The following WWOX variants were observed in gnomAD, a reference collection of about 807,000 sequenced individuals.
WWOX encodes the protein WW domain containing oxidoreductase.
A neutral mutation model predicts 46.2 loss-of-function variants in WWOX; 69 were observed. The observed-to-expected ratio is 1.49, with a 90% confidence interval of 1.23 to 1.82. WWOX has a LOEUF of 1.82. WWOX is among the 40% of genes most tolerant of loss of function. WWOX has a pLI of 0.00. For missense variants in WWOX, 919 were observed against 542.6 expected, an observed-to-expected ratio of 1.69 and a Z score of -6.89; for synonymous variants, 359 against 202.6, an observed-to-expected ratio of 1.77 and a Z score of -6.56.
chr16:78,351,874 C>T (rs183138720), intron 5 of WWOX, among the ~76,000 whole-genome samples: 1 of 152,300 alleles, frequency 6.6e-6, no homozygotes, highest in African/African-American at 2.4e-5. Flanking sequence ...CCAGGCTGGT[C>T]TCAAACTCGT....
chr16:78,649,106 TGAGATTAC>T (rs2046908932), intron 8 of WWOX, among the ~76,000 whole-genome samples: 1 of 152,150 alleles, frequency 6.6e-6, no homozygotes, highest in Non-Finnish European at 1.5e-5. Flanking sequence ...CCCAAGTAGC[TGAGATTAC>T]AGGCGCCCAC....
At chr16:79,013,384 C>A (rs1315452438) in intron 8 of WWOX, among the ~76,000 whole-genome samples, 1 of 152,230 alleles carries the variant, frequency 6.6e-6, no homozygotes, top group Non-Finnish European at 1.5e-5. Flanking sequence ...CGATCCCTAT[C>A]TTGTCTCTGC....
intron 6 of WWOX, among the ~76,000 whole-genome samples, chr16:78,422,700 C>T (rs143337286): frequency 0.22 from 8,714 of 39,882 alleles, 2,029 homozygotes; most frequent in African/African-American, 0.49. Context: ...CACACACACA[C>T]ATATATATAT....
At chr16:78,982,006 G>A (rs1383787879) in intron 8 of WWOX, among the ~76,000 whole-genome samples, 1 of 152,166 alleles carries the variant, frequency 6.6e-6, no homozygotes, top group Admixed American at 6.5e-5. Flanking sequence ...CAGAATCTCA[G>A]TTTCAACATC....
chr16:79,210,174 C>A (rs180984378), intron 8 of WWOX, among the ~76,000 whole-genome samples: 1 of 152,322 alleles, frequency 6.6e-6, no homozygotes, highest in African/African-American at 2.4e-5. Context: ...CTGCATTTGA[C>A]CATTCAGTTT....
At chr16:78,256,696 T>A (rs537952464) in intron 5 of WWOX, among the ~76,000 whole-genome samples, 1 of 152,234 alleles carries the variant, frequency 6.6e-6, no homozygotes, top group East Asian at 1.9e-4. Context: ...TAGTGAATAC[T>A]TGTTGAATGA....
intron 8 of WWOX, among the ~76,000 whole-genome samples, chr16:79,013,125 C>T (rs1201428217): frequency 6.6e-6 from 1 of 152,198 alleles, no homozygotes; most frequent in Non-Finnish European, 1.5e-5. Flanking sequence ...CAGAATTGCC[C>T]TGTTGAGGGT....
chr16:78,871,735 GA>G (rs1806232456), intron 8 of WWOX, among the ~76,000 whole-genome samples: 1 of 152,158 alleles, frequency 6.6e-6, no homozygotes, highest in Non-Finnish European at 1.5e-5. Context: ...AAGCAGCTGG[GA>G]CTACAGGCAG....
intron 5 of WWOX, among the ~76,000 whole-genome samples, chr16:78,281,835 T>C (rs2079684518): frequency 6.6e-6 from 1 of 152,140 alleles, no homozygotes; most frequent in South Asian, 2.1e-4. Context: ...CTGCTTAGAG[T>C]CTAGCTTTAT....
In WWOX at chr16:78,952,904, G is replaced by A. The variant is rs190013548; in HGVS notation, c.1057-258704G>A. Reference sequence around the variant, plus strand: ...GGAATAATTCTACAGAGAGAAACAGGAATCAAAGGGAAACCTGAAGCTGGC... The same window carrying A: ...GGAATAATTCTACAGAGAGAAACAGAAATCAAAGGGAAACCTGAAGCTGGC... On this transcript the variant is annotated intron_variant, in intron 8 of 8. Coordinates refer to ENST00000566780, the MANE Select transcript of WWOX (RefSeq NM_016373.4). Among the ~76,000 whole-genome samples the A allele has an allele frequency of 9.2e-5, 14 of 152,268 alleles. No individual in the cohort carries two copies. In the East Asian group the frequency reaches 2.5e-3, roughly 27 times the overall value.
intron 8 of WWOX, among the ~76,000 whole-genome samples, chr16:78,694,565 G>A (rs1037079280): frequency 6.6e-6 from 1 of 152,164 alleles, no homozygotes; most frequent in African/African-American, 2.4e-5. Flanking sequence ...TGCATGGTGT[G>A]TATATTGAAC....
intron 8 of WWOX, among the ~76,000 whole-genome samples, chr16:78,796,024 G>A (rs775921650): frequency 1.3e-5 from 2 of 152,130 alleles, no homozygotes; most frequent in Non-Finnish European, 2.9e-5. Flanking sequence ...CACTAAGGAA[G>A]TTTGTGGCAA....
At chr16:79,202,440 C>G (rs2051374751) in intron 8 of WWOX, among the ~76,000 whole-genome samples, 1 of 152,106 alleles carries the variant, frequency 6.6e-6, no homozygotes, top group East Asian at 1.9e-4. Flanking sequence ...CCAAAGAAAC[C>G]TACCTTGTGA....
At chr16:78,383,313 T>A (rs757189830) in intron 5 of WWOX, among the ~76,000 whole-genome samples, 1 of 152,114 alleles carries the variant, frequency 6.6e-6, no homozygotes. Flanking sequence ...GATGTATATA[T>A]GGGGGAAGCT....
At chr16:78,558,915 C>A (rs1057017806) in intron 8 of WWOX, among the ~76,000 whole-genome samples, 2 of 152,182 alleles carry the variant, frequency 1.3e-5, no homozygotes, top group African/African-American at 4.8e-5. Context: ...CCATACTAAC[C>A]CCTACAACCA....
chr16:78,313,296 G>T (rs577637447), intron 5 of WWOX, among the ~76,000 whole-genome samples: 2 of 152,298 alleles, frequency 1.3e-5, no homozygotes, highest in Admixed American at 6.5e-5. Flanking sequence ...TTATAGATCT[G>T]CTGGGAACAT....
chr16:79,079,417 C>T (rs1375422462), intron 8 of WWOX, among the ~76,000 whole-genome samples: 1 of 152,194 alleles, frequency 6.6e-6, no homozygotes, highest in African/African-American at 2.4e-5. Context: ...TCCATTCATC[C>T]ATCCATCCAT....
chr16:78,644,924 T>C (rs946485789), intron 8 of WWOX, among the ~76,000 whole-genome samples: 29 of 152,176 alleles, frequency 1.9e-4, no homozygotes, highest in African/African-American at 7.0e-4. Context: ...TAAGGAAAAT[T>C]GTATTTTTGT....
chr16:78,229,850 C>CT (rs2151806324), intron 5 of WWOX, among the ~76,000 whole-genome samples: 1 of 152,090 alleles, frequency 6.6e-6, no homozygotes, highest in African/African-American at 2.4e-5. Context: ...TCAGCTATTT[C>CT]TTTTCATTTC....
Sources: allele counts gnomAD v4.1 joint callset (sites outside exome capture counted in the v4.1 genomes callset), GRCh38; gene constraint gnomAD v4.1.1; transcripts MANE v1.5; gene names NCBI Gene and HGNC (gene_info 2026-07-23, HGNC 2026-07-21).